NRXN3: variants seen among roughly 807,000 people sequenced by gnomAD.
The protein encoded by NRXN3 is neurexin 3.
In NRXN3, 32 loss-of-function variants were observed where a neutral mutation model predicts 137.6. The ratio of observed to expected loss-of-function variants is 0.23; its 90% CI spans 0.18 to 0.31. The LOEUF (loss-of-function observed/expected upper bound fraction) is 0.31. Ranked by LOEUF, NRXN3 falls within the 10% of genes least tolerant of loss-of-function variation. The pLI is 1.00. For missense variants in NRXN3, 1,574 were observed against 2,062.5 expected (o/e 0.76, Z 4.59); for synonymous variants, 798 against 784.5 (o/e 1.02, Z -0.29).
At chr14:79,781,477 C>T (rs890676998) in intron 19 of NRXN3, among the ~76,000 whole-genome samples, 4 of 152,258 alleles carry the variant, frequency 2.6e-5, no homozygotes, top group African/African-American at 9.6e-5. Flanking sequence ...TTCCCTTGCT[C>T]ATGCTTCATG....
In NRXN3 at chr14:79,017,364, A is replaced by G. The variant is rs527469447; in HGVS notation, c.3262+29223A>G. ...ATTCACTTAGAAAGACTCATCCTAG[A>G]TAAGAATTATCCTGCCTCATCTACC... On this transcript the variant is annotated intron_variant, in intron 15 of 20. Coordinates refer to ENST00000335750, the MANE Select transcript of NRXN3 (RefSeq NM_001330195.2). Among the ~76,000 whole-genome samples, 24 of 151,778 alleles carry G rather than the reference A, an allele frequency of 1.6e-4. 1 individual carries two copies. The highest frequency in any genetic ancestry group is 5.8e-4 in the African/African-American group (24 of 41,370).
intron 1 of NRXN3, among the ~76,000 whole-genome samples, chr14:78,175,718 A>T (rs2059199039): frequency 6.6e-6 from 1 of 152,062 alleles, no homozygotes; most frequent in Admixed American, 6.5e-5. Flanking sequence ...CGGGGCAGGG[A>T]CTATGGATGG....
intron 10 of NRXN3, among the ~76,000 whole-genome samples, chr14:78,909,392 A>G (rs2099229813): frequency 6.6e-6 from 1 of 152,160 alleles, no homozygotes; most frequent in Admixed American, 6.6e-5. Flanking sequence ...GAACGTCCAA[A>G]TAAGAATAGC....
At chr14:78,330,551 C>T (rs1418307565) in intron 4 of NRXN3, among the ~76,000 whole-genome samples, 4 of 152,168 alleles carry the variant, frequency 2.6e-5, no homozygotes, top group Non-Finnish European at 5.9e-5. Context: ...AATCTCAGAG[C>T]TAATCTAAAA....
At chr14:79,637,895 A>G (rs2153952854) in intron 16 of NRXN3, among the ~76,000 whole-genome samples, 1 of 90,286 alleles carries the variant, frequency 1.1e-5, no homozygotes, top group East Asian at 2.5e-4. Flanking sequence ...ATGCCTGGCT[A>G]ATATTTTTAT....
chr14:78,880,672 A>C (rs1305399121), intron 10 of NRXN3, among the ~76,000 whole-genome samples: 1 of 152,172 alleles, frequency 6.6e-6, no homozygotes. Context: ...TACCTGTTAC[A>C]TTATAAGGAA....
chr14:78,190,386 T>A (rs1438426932), intron 1 of NRXN3, among the ~76,000 whole-genome samples: 1 of 152,072 alleles, frequency 6.6e-6, no homozygotes, highest in East Asian at 1.9e-4. Flanking sequence ...AAAATGAAGA[T>A]CACCTGGAAT....
rs1176771162 is a variant in NRXN3, at chr14:78,803,631, C to T, written c.2056C>T (p.Leu686=). The change falls in exon 9 of 21, where the codon CTG becomes TTG. Residue 686 remains leucine, a synonymous_variant. Transcript: ENST00000335750. The part of the protein sequence containing the change: ...GRTCEREASI[L]SYDGSMYMKI... ...TTCTTCTTTGGCAGAGGCATCCATC[C>T]TGAGCTATGATGGTAGCATGTACAT... 6.2e-7 allele frequency: 1 copy of T among 1,613,838 alleles called. No homozygotes were observed. Among genetic ancestry groups the T allele is most frequent in the East Asian group, 2.2e-5 (1 of 44,884 alleles).
chr14:78,714,271 CT>C (rs1246796276), intron 7 of NRXN3, among the ~76,000 whole-genome samples: 1 of 152,158 alleles, frequency 6.6e-6, no homozygotes, highest in Admixed American at 6.5e-5. Flanking sequence ...AGGCCTCATT[CT>C]GTCTCAGTCA....
At chr14:78,917,617 G>C (rs2099259035) in intron 10 of NRXN3, among the ~76,000 whole-genome samples, 1 of 152,200 alleles carries the variant, frequency 6.6e-6, no homozygotes, top group Non-Finnish European at 1.5e-5. Context: ...AGCTGCTGAT[G>C]AAAGAAGGTG....
chr14:78,539,248 C>G (rs2096565569), intron 4 of NRXN3, among the ~76,000 whole-genome samples: 1 of 152,052 alleles, frequency 6.6e-6, no homozygotes, highest in South Asian at 2.1e-4. Flanking sequence ...TGGTCCTGGA[C>G]TTTTTTTGGT....
chr14:78,670,832 A>G (rs2097926975), intron 6 of NRXN3, among the ~76,000 whole-genome samples: 1 of 152,198 alleles, frequency 6.6e-6, no homozygotes, highest in Admixed American at 6.5e-5. Flanking sequence ...CTGGTTTGGC[A>G]ACATTAATTG....
At chr14:79,038,540 C>T (rs1343339536) in intron 15 of NRXN3, among the ~76,000 whole-genome samples, 1 of 152,038 alleles carries the variant, frequency 6.6e-6, no homozygotes, top group Non-Finnish European at 1.5e-5. Context: ...TCTGTTTTTC[C>T]ACTTAAAATT....
chr14:78,222,661 CTATT>C, intron 1 of NRXN3, among the ~76,000 whole-genome samples: 1 of 152,094 alleles, frequency 6.6e-6, no homozygotes, highest in East Asian at 1.9e-4. Flanking sequence ...GGGAAGAAAA[CTATT>C]TAAATGGAGA....
chr14:79,754,813 T>A (rs552490853), intron 19 of NRXN3, among the ~76,000 whole-genome samples: 1 of 151,838 alleles, frequency 6.6e-6, no homozygotes, highest in Non-Finnish European at 1.5e-5. Flanking sequence ...ATGGAACGGT[T>A]TCCGCATGCT....
rs74067990 is a variant in NRXN3 at position 79,288,450 on chromosome 14, C to T, written c.3263-178771C>T. On this transcript the variant is annotated intron_variant, in intron 15 of 20. Coordinates refer to ENST00000335750, the MANE Select transcript of NRXN3 (RefSeq NM_001330195.2). ...GTTATACACCAACACATAATGTACACCCACTGTGTGACAGGTACTCTTCCA... is the reference window on the plus strand; with the variant it reads ...GTTATACACCAACACATAATGTACATCCACTGTGTGACAGGTACTCTTCCA... Among the ~76,000 whole-genome samples, 421 of 152,312 alleles carry T rather than the reference C, an allele frequency of 2.8e-3. 5 individuals carry two copies. Among genetic ancestry groups the T allele is most frequent in the African/African-American group, 9.8e-3 (406 of 41,560 alleles).
At chr14:79,726,480 C>A (rs1009148992) in intron 19 of NRXN3, among the ~76,000 whole-genome samples, 1 of 152,028 alleles carries the variant, frequency 6.6e-6, no homozygotes, top group East Asian at 1.9e-4. Context: ...TATATTAAAT[C>A]CCCCAGAAGA....
chr14:79,037,766 G>A (rs1275390554), intron 15 of NRXN3, among the ~76,000 whole-genome samples: 5 of 152,034 alleles, frequency 3.3e-5, no homozygotes, highest in Non-Finnish European at 5.9e-5. Context: ...CCGCCTGACG[G>A]GAGATGAAGG....
chr14:79,189,487 T>C (rs1336662278), intron 15 of NRXN3, among the ~76,000 whole-genome samples: 3 of 151,864 alleles, frequency 2.0e-5, no homozygotes, highest in Admixed American at 6.6e-5. Flanking sequence ...TGGTTACATG[T>C]GTAACTAACC....
Sources: allele counts gnomAD v4.1 joint callset (sites outside exome capture counted in the v4.1 genomes callset), GRCh38; gene constraint gnomAD v4.1.1; transcripts MANE v1.5; gene names NCBI Gene and HGNC (gene_info 2026-07-23, HGNC 2026-07-21).